WSCD1: variants seen among roughly 807,000 people sequenced by gnomAD.
WSCD1 encodes the protein sialate:O-sulfotransferase 1.
A neutral mutation model predicts 60.4 loss-of-function variants in WSCD1; 41 were observed. The ratio of observed to expected loss-of-function variants is 0.68; its 90% CI spans 0.53 to 0.88. The LOEUF (loss-of-function observed/expected upper bound fraction) is 0.88, where lower values mean the gene tolerates loss of function less well. WSCD1 is among the 40% of genes least tolerant of loss of function. The probability of loss-of-function intolerance (pLI) is 0.00; values close to 1 mark genes in which losing one functional copy is unlikely to be tolerated. For missense variants in WSCD1, 784 were observed against 796.2 expected, an observed-to-expected ratio of 0.98 and a Z score of 0.18; for synonymous variants, 361 against 332.5, an observed-to-expected ratio of 1.09 and a Z score of -0.93.
intron 3 of WSCD1, among the ~76,000 whole-genome samples, 173 bp downstream of exon 3, chr17:6,088,277 C>T (rs183792211): frequency 1.1e-4 from 17 of 151,848 alleles, no homozygotes; most frequent in African/African-American, 1.7e-4. Context: ...ACCTGGGTGC[C>T]GGGAGCTGGG....
rs1904788015 is a variant in WSCD1 at position 6,122,653 on chromosome 17, A to G, written c.*1992A>G. 1 of 152,734 alleles carries G rather than the reference A, an allele frequency of 6.5e-6. No homozygotes were observed. The allele number at this position is 152,734 out of a possible 1,614,324, so 9.5% of individuals were successfully genotyped here. On this transcript the variant is annotated 3_prime_UTR_variant, in exon 9 of 9. Transcript: ENST00000317744. ...AGTGGGGAAGCCATGGAGGCTGGGA[A>G]GGGCAAAGTGTGGAGAGAGGAGTGA...
chr17:6,116,678 G>C (rs1911699909), intron 7 of WSCD1, among the ~76,000 whole-genome samples: 1 of 152,256 alleles, frequency 6.6e-6, no homozygotes, highest in Non-Finnish European at 1.5e-5. Flanking sequence ...CCATGGCAGA[G>C]ATAAGTTTGA....
At chr17:6,120,163 C>T (rs1904570678) in intron 8 of WSCD1, 146 bp from the exon 9 acceptor site, 2 of 881,076 alleles carry the variant, frequency 2.3e-6, no homozygotes, top group Non-Finnish European at 3.5e-6. Context: ...ACCAAAGGGT[C>T]CTCCTCCATG....
At chr17:6,071,408 C>T (rs1440522894) in intron 1 of WSCD1, among the ~76,000 whole-genome samples, 6 of 152,146 alleles carry the variant, frequency 3.9e-5, no homozygotes, top group Non-Finnish European at 1.5e-5. Flanking sequence ...GGGGACCGCT[C>T]TTCCTTCCGC....
At chr17:6,112,463 G>T (rs144418806) in intron 7 of WSCD1, among the ~76,000 whole-genome samples, 31 of 152,224 alleles carry the variant, frequency 2.0e-4, no homozygotes, top group Admixed American at 5.2e-4. Context: ...CAGCAATTAG[G>T]CAAGAAAAAG....
intron 5 of WSCD1, among the ~76,000 whole-genome samples, chr17:6,109,249 C>T (rs998519388): frequency 3.9e-5 from 6 of 152,200 alleles, no homozygotes; most frequent in Non-Finnish European, 7.3e-5. Context: ...GCACTCCTGA[C>T]AAATGCCTTG....
chr17:6,085,161 A>G (rs867976712), intron 2 of WSCD1: 1 of 152,302 alleles, frequency 6.6e-6, no homozygotes, highest in African/African-American at 2.4e-5. Flanking sequence ...CAGAATAATA[A>G]TGGCTGTTAT....
chr17:6,107,809 TG>T (rs1911180832), intron 5 of WSCD1, among the ~76,000 whole-genome samples: 2 of 152,182 alleles, frequency 1.3e-5, no homozygotes, highest in Non-Finnish European at 2.9e-5. Flanking sequence ...TGAATTCACA[TG>T]ACCGGGGAAA....
chr17:6,069,630 A>C (rs1213602974), upstream of WSCD1, among the ~76,000 whole-genome samples: 1 of 151,896 alleles, frequency 6.6e-6, no homozygotes, highest in Non-Finnish European at 1.5e-5. Context: ...AGCTGGTGTC[A>C]GGGTATTTGT....
chr17:6,097,797 A>T (rs1037202841), intron 5 of WSCD1, among the ~76,000 whole-genome samples: 2 of 152,058 alleles, frequency 1.3e-5, no homozygotes. Flanking sequence ...TATTCATTTT[A>T]TACCCCGATC....
chr17:6,094,776 A>AAGGAAGGAAGGGAGGGATGG (rs1368909624), intron 4 of WSCD1, among the ~76,000 whole-genome samples: 1 of 146,732 alleles, frequency 6.8e-6, no homozygotes, highest in African/African-American at 2.5e-5. Flanking sequence ...GAAGCAAGAG[A>AAGGAAGGAAGGGAGGGATGG]AGGAAGGAAG....
intron 7 of WSCD1, among the ~76,000 whole-genome samples, chr17:6,114,636 C>T (rs187600462): frequency 6.6e-6 from 1 of 152,068 alleles, no homozygotes; most frequent in East Asian, 1.9e-4. Flanking sequence ...GTACACTTAT[C>T]ATGCATCAGT....
chr17:6,071,494 C>T (rs529693534), intron 1 of WSCD1, among the ~76,000 whole-genome samples: 25 of 152,328 alleles, frequency 1.6e-4, no homozygotes, highest in African/African-American at 5.5e-4. Flanking sequence ...CCCACACTGG[C>T]CCTGCCCCTG....
rs189677462 is a variant in WSCD1, at chr17:6,091,882, C to T, written c.727+1377C>T. Among the ~76,000 whole-genome samples, 88 of 152,234 alleles carry T rather than the reference C, an allele frequency of 5.8e-4. 1 individual carries two copies. The highest frequency in any genetic ancestry group is 6.6e-4 in the Non-Finnish European group (45 of 68,008). Reference sequence around the variant, plus strand: ...GTAAAGAGGTATTGGAACAGCCGGGCGCGGTGGCTCACGCCTGTAATCCCA... The same window carrying T: ...GTAAAGAGGTATTGGAACAGCCGGGTGCGGTGGCTCACGCCTGTAATCCCA... On this transcript the variant is annotated intron_variant, in intron 4 of 8. Transcript: ENST00000317744.
chr17:6,120,273 G>A (rs778843865), intron 8 of WSCD1, 36 bp from the exon 9 acceptor site: 5 of 1,590,688 alleles, frequency 3.1e-6, no homozygotes, highest in Non-Finnish European at 4.3e-6. Context: ...GGCAGGGCCA[G>A]CCCCCGACTC....
At chr17:6,079,297 G>A (rs1909075346) in intron 1 of WSCD1, among the ~76,000 whole-genome samples, 1 of 152,238 alleles carries the variant, frequency 6.6e-6, no homozygotes, top group African/African-American at 2.4e-5. Context: ...ACGGGCAGTG[G>A]CTTAGTCACG....
At position 6,120,847 on chromosome 17, in the gene WSCD1, A is replaced by C; in HGVS notation, c.*186A>C. ...GACACACATCACAAGGCGAACACAA[A>C]TGGACACACATACCTGGCCACGAAC... On this transcript the variant is annotated 3_prime_UTR_variant, in exon 9 of 9. Transcript: ENST00000317744. The C allele has an allele frequency of 3.2e-6, 2 of 627,000 alleles. No homozygotes were observed. Among genetic ancestry groups the C allele is most frequent in the Non-Finnish European group, 5.5e-6 (2 of 365,754 alleles). 38.8% of individuals were successfully genotyped at this position (627,000 alleles called of 1,614,324 possible).
At chr17:6,070,234 C>G (rs1908439600), upstream of WSCD1, among the ~76,000 whole-genome samples, 2 of 44 alleles carry the variant, frequency 0.045, no homozygotes, top group Non-Finnish European at 0.14. Flanking sequence ...CCGCCCCGCG[C>G]GCGTGTTCTC....
At position 6,122,536 on chromosome 17, in the gene WSCD1, C is replaced by T. The variant is rs1904776046; in HGVS notation, c.*1875C>T. The T allele has an allele frequency of 6.6e-6, 1 of 152,272 alleles. No individual in the cohort carries two copies. The highest frequency in any genetic ancestry group is 1.5e-5 in the Non-Finnish European group (1 of 68,088). The allele number at this position is 152,272 out of a possible 1,614,324, so 9.4% of individuals were successfully genotyped here. On this transcript the variant is annotated 3_prime_UTR_variant, in exon 9 of 9. Transcript: ENST00000317744. ...AGTATCAGGAGCAATTGAGACCCCT[C>T]AGGAGTTTCCACACTGCTGTGGACG...
Sources: gnomAD v4.1 joint callset for allele counts (sites outside exome capture counted in the v4.1 genomes callset) on GRCh38, gnomAD v4.1.1 for gene constraint, MANE v1.5 for transcripts, NCBI Gene and HGNC (gene_info 2026-07-23, HGNC 2026-07-21) for gene names.